XIRP2: variants seen among roughly 807,000 people sequenced by gnomAD.
The protein encoded by XIRP2 is xin actin binding repeat containing 2.
In XIRP2, 236 loss-of-function variants were observed where a neutral mutation model predicts 277.0. The ratio of observed to expected loss-of-function variants is 0.85; its 90% CI spans 0.77 to 0.95. The LOEUF (loss-of-function observed/expected upper bound fraction) is 0.95, where lower values mean the gene tolerates loss of function less well. XIRP2 is among the 40% of genes least tolerant of loss of function. The probability of loss-of-function intolerance (pLI) is 0.00; values close to 1 mark genes in which losing one functional copy is unlikely to be tolerated. For missense variants in XIRP2, 4,640 were observed against 4,157.5 expected (o/e 1.12, Z -3.19); for synonymous variants, 1,490 against 1,416.5 (o/e 1.05, Z -1.17).
intron 2 of XIRP2, among the ~76,000 whole-genome samples, chr2:167,031,155 G>A (rs1009410382): frequency 6.6e-6 from 1 of 151,884 alleles, no homozygotes; most frequent in Admixed American, 6.6e-5. Context: ...CAATTTGCCA[G>A]TCTTTGACTT....
chr2:167,133,676 TAGGGA>T (rs1691449491), intron 2 of XIRP2, among the ~76,000 whole-genome samples: 2 of 152,204 alleles, frequency 1.3e-5, no homozygotes, highest in South Asian at 4.1e-4. Context: ...CACAACTTTG[TAGGGA>T]TCTGCACCTT....
At chr2:167,022,003 A>G (rs1687996750) in intron 2 of XIRP2, among the ~76,000 whole-genome samples, 1 of 152,100 alleles carries the variant, frequency 6.6e-6, no homozygotes, top group Non-Finnish European at 1.5e-5. Context: ...GTAAAGATTA[A>G]ACTATGAGGT....
chr2:167,164,976 A>G (rs1692477697), intron 3 of XIRP2, among the ~76,000 whole-genome samples: 1 of 152,296 alleles, frequency 6.6e-6, no homozygotes, highest in East Asian at 1.9e-4. Context: ...AAAATTCTTT[A>G]TATCCTGCCT....
intron 3 of XIRP2, among the ~76,000 whole-genome samples, chr2:167,179,332 T>G (rs914272046): frequency 1.3e-5 from 2 of 151,300 alleles, no homozygotes; most frequent in Non-Finnish European, 1.5e-5. Context: ...TGTTTTTTTT[T>G]TTTTTTGAGA....
intron 2 of XIRP2, among the ~76,000 whole-genome samples, chr2:167,132,511 T>TACACACACACACACACACACACAC (rs35636231): frequency 3.4e-5 from 5 of 146,328 alleles, no homozygotes; most frequent in African/African-American, 1.3e-4. Flanking sequence ...TGCATGTGTA[T>TACACACACACACACACACACACAC]ACACACACAC....
At chr2:167,169,500 A>G (rs772412948) in intron 3 of XIRP2, among the ~76,000 whole-genome samples, 1 of 152,166 alleles carries the variant, frequency 6.6e-6, no homozygotes. Context: ...GTATTTATCT[A>G]TTAGTATCTC....
intron 3 of XIRP2, among the ~76,000 whole-genome samples, chr2:167,139,999 CTCTA>C (rs1322964815): frequency 3.2e-4 from 48 of 151,572 alleles, no homozygotes; most frequent in African/African-American, 1.1e-3. Flanking sequence ...TTAAGTGATC[CTCTA>C]TCTGCCAATT....
chr2:167,143,164 A>T (rs1301011455), intron 3 of XIRP2, among the ~76,000 whole-genome samples: 1 of 152,104 alleles, frequency 6.6e-6, no homozygotes, highest in Non-Finnish European at 1.5e-5. Context: ...GGTACTATGG[A>T]CCTGCCCCTG....
chr2:166,964,935 A>C (rs939552239), intron 2 of XIRP2, among the ~76,000 whole-genome samples: 1 of 151,712 alleles, frequency 6.6e-6, no homozygotes, highest in African/African-American at 2.4e-5. Context: ...CATACTATAT[A>C]TTCATCACAG....
At chr2:167,091,360 T>A (rs910186201) in intron 2 of XIRP2, among the ~76,000 whole-genome samples, 1 of 152,154 alleles carries the variant, frequency 6.6e-6, no homozygotes, top group Non-Finnish European at 1.5e-5. Context: ...ATGTCCCTTA[T>A]GCACTTATCC....
chr2:166,936,238 C>T (rs369537923), intron 2 of XIRP2, among the ~76,000 whole-genome samples: 3,476 of 152,176 alleles, frequency 0.023, 47 homozygotes, highest in South Asian at 0.055. Context: ...TCATATCCTT[C>T]GCCCACTTTT....
intron 5 of XIRP2, 141 bp downstream of exon 5, chr2:167,218,441 G>GA: frequency 1.0e-6 from 1 of 985,682 alleles, no homozygotes; most frequent in Non-Finnish European, 1.3e-6. Context: ...AAATGTTCTA[G>GA]AAAATCATCT....
chr2:167,011,959 C>G (rs1365549237), intron 2 of XIRP2, among the ~76,000 whole-genome samples: 1 of 151,978 alleles, frequency 6.6e-6, no homozygotes, highest in Non-Finnish European at 1.5e-5. Flanking sequence ...TGATTCTTCT[C>G]TCTTTTCTTC....
At chr2:167,127,310 A>G (rs1229432583) in intron 2 of XIRP2, among the ~76,000 whole-genome samples, 1 of 152,190 alleles carries the variant, frequency 6.6e-6, no homozygotes, top group Non-Finnish European at 1.5e-5. Flanking sequence ...TGCATCTATC[A>G]TGACGATTTT....
At chr2:167,154,336 A>C (rs1205142213) in intron 3 of XIRP2, among the ~76,000 whole-genome samples, 5 of 151,036 alleles carry the variant, frequency 3.3e-5, no homozygotes, top group African/African-American at 4.9e-5. Context: ...AGGTTGTGAA[A>C]ATTTTCTTCC....
Position 167,258,829 on chromosome 2 carries a change from A to C in XIRP2, c.*1012A>C. 6.2e-7 allele frequency: 1 copy of C among 1,613,146 alleles called. No homozygotes were observed. The highest frequency in any genetic ancestry group is 8.5e-7 in the Non-Finnish European group (1 of 1,179,582). Reference sequence around the variant, plus strand: ...AAAATACATCTAGAATCTCAGAGTTACTTGGTATATTTGAATCTGAAAAGA... The same window carrying C: ...AAAATACATCTAGAATCTCAGAGTTCCTTGGTATATTTGAATCTGAAAAGA... On this transcript the variant is annotated 3_prime_UTR_variant, in exon 11 of 11. Coordinates refer to ENST00000409195, the MANE Select transcript of XIRP2 (RefSeq NM_152381.6).
intron 3 of XIRP2, among the ~76,000 whole-genome samples, chr2:167,179,612 A>G (rs113561873): frequency 0.1 from 14,961 of 148,564 alleles, 797 homozygotes; most frequent in South Asian, 0.16. Context: ...GAGCCACCGC[A>G]CCCAGCCTAA....
intron 2 of XIRP2, among the ~76,000 whole-genome samples, chr2:167,022,904 G>A (rs369816705): frequency 0.037 from 5,680 of 152,090 alleles, 119 homozygotes; most frequent in East Asian, 0.056. Context: ...GAATAGTGCC[G>A]CAATAAACAT....
chr2:166,901,167 A>G (rs1357470630), intron 1 of XIRP2, among the ~76,000 whole-genome samples: 2 of 152,096 alleles, frequency 1.3e-5, no homozygotes, highest in Non-Finnish European at 2.9e-5. Flanking sequence ...GGCTAGAGAA[A>G]GCAGGTTTTC....
Sources: gnomAD v4.1 joint callset for allele counts (sites outside exome capture counted in the v4.1 genomes callset) on GRCh38, gnomAD v4.1.1 for gene constraint, MANE v1.5 for transcripts, NCBI Gene and HGNC (gene_info 2026-07-23, HGNC 2026-07-21) for gene names.